Variants in MAPK14 observed in about 807,000 individuals in gnomAD.
MAPK14 encodes CSAID-binding protein.
Under a neutral mutation model 49.6 loss-of-function variants are expected in MAPK14, and 16 were observed. The ratio of observed to expected loss-of-function variants is 0.32; its 90% CI spans 0.22 to 0.49. MAPK14 has a LOEUF of 0.49. MAPK14 is among the 20% of genes least tolerant of loss of function. The probability of loss-of-function intolerance (pLI) is 0.99; values close to 1 mark genes in which losing one functional copy is unlikely to be tolerated. For missense variants in MAPK14, 200 were observed against 441.2 expected, an observed-to-expected ratio of 0.45 and a Z score of 4.90; for synonymous variants, 142 against 158.0, an observed-to-expected ratio of 0.90 and a Z score of 0.76.
At chr6:36,094,068 C>A (rs1236790665) in intron 8 of MAPK14, among the ~76,000 whole-genome samples, 5 of 152,084 alleles carry the variant, frequency 3.3e-5, no homozygotes, top group Non-Finnish European at 7.4e-5. Context: ...TCCATCCCAC[C>A]CCCATTCCTA....
chr6:36,029,410 C>G (rs1033524496), intron 1 of MAPK14, among the ~76,000 whole-genome samples: 1 of 152,192 alleles, frequency 6.6e-6, no homozygotes, highest in Non-Finnish European at 1.5e-5. Flanking sequence ...ACTAACTGCT[C>G]TCTTAACTTC....
In MAPK14 at chr6:36,102,597, T is replaced by C; in HGVS notation, c.789T>C (p.Thr263=). The change falls in exon 10 of 12, where the codon ACT becomes ACC. Residue 263 remains threonine (T), a synonymous_variant. Transcript: ENST00000229794. ...ESARNYIQSL[T]QMPKMNFANV... ...CAAGAAACTATATTCAGTCTTTGAC[T>C]CAGATGCCGAAGATGAACTTTGCGA... 1 of 1,613,892 alleles carries C rather than the reference T, an allele frequency of 6.2e-7. No homozygotes were observed. The highest frequency in any genetic ancestry group is 8.5e-7 in the Non-Finnish European group (1 of 1,179,926).
intron 8 of MAPK14, among the ~76,000 whole-genome samples, chr6:36,090,652 G>A (rs1273496352): frequency 2.6e-5 from 4 of 151,504 alleles, no homozygotes; most frequent in Non-Finnish European, 4.4e-5. Flanking sequence ...TCAGCCTCCC[G>A]AGTAGCTGGG....
At chr6:36,098,932 G>A (rs886148992) in intron 9 of MAPK14, among the ~76,000 whole-genome samples, 6 of 152,128 alleles carry the variant, frequency 3.9e-5, no homozygotes, top group Non-Finnish European at 5.9e-5. Flanking sequence ...TAAAAGGACC[G>A]CAAATCAAAG....
intron 9 of MAPK14, among the ~76,000 whole-genome samples, chr6:36,101,800 C>T (rs1562152933): frequency 6.6e-6 from 1 of 152,224 alleles, no homozygotes; most frequent in African/African-American, 2.4e-5. Flanking sequence ...GCGTGAGTCA[C>T]CGTGCCTGGG....
chr6:36,040,671 T>C (rs923587105), intron 1 of MAPK14, among the ~76,000 whole-genome samples: 1 of 148,798 alleles, frequency 6.7e-6, no homozygotes, highest in East Asian at 1.9e-4. Flanking sequence ...TCATGAATAA[T>C]TGTGTTTTGT....
At chr6:36,077,161 A>C (rs1370874953) in intron 8 of MAPK14, among the ~76,000 whole-genome samples, 1 of 152,210 alleles carries the variant, frequency 6.6e-6, no homozygotes. Flanking sequence ...CCCAGATTGC[A>C]GCCAAACCCT....
At chr6:36,075,646 C>G (rs1366972614) in intron 6 of MAPK14, among the ~76,000 whole-genome samples, 1 of 152,074 alleles carries the variant, frequency 6.6e-6, no homozygotes, top group Admixed American at 6.6e-5. Context: ...TTTTGTTTTG[C>G]TTTTTGTAAT....
chr6:36,052,174 G>A (rs1376455555), intron 1 of MAPK14, among the ~76,000 whole-genome samples: 1 of 152,134 alleles, frequency 6.6e-6, no homozygotes, highest in Admixed American at 6.5e-5. Flanking sequence ...GCAATTTATT[G>A]TCCTGAAAAC....
intron 1 of MAPK14, among the ~76,000 whole-genome samples, chr6:36,051,706 C>T (rs1420691871): frequency 3.9e-5 from 6 of 152,254 alleles, no homozygotes; most frequent in Middle Eastern, 3.4e-3. Context: ...GCTTTGTGAC[C>T]GTGGTCAAGT....
chr6:36,067,577 C>T (rs2237093), intron 3 of MAPK14, among the ~76,000 whole-genome samples: 16,462 of 152,110 alleles, frequency 0.11, 1,676 homozygotes, highest in East Asian at 0.51. Flanking sequence ...GTAATGTAGA[C>T]TGTGTGGTAA....
intron 2 of MAPK14, among the ~76,000 whole-genome samples, chr6:36,056,228 A>G (rs540476876): frequency 1.3e-5 from 2 of 152,240 alleles, no homozygotes; most frequent in Non-Finnish European, 2.9e-5. Flanking sequence ...GTAATTGTCT[A>G]TTCAACTGTG....
At chr6:36,088,632 G>A (rs191234105) in intron 8 of MAPK14, among the ~76,000 whole-genome samples, 5 of 151,522 alleles carry the variant, frequency 3.3e-5, no homozygotes, top group African/African-American at 1.2e-4. Flanking sequence ...TGGGGCAGGA[G>A]AATGACGTGA....
chr6:36,048,732 A>G (rs1296550139), intron 1 of MAPK14, among the ~76,000 whole-genome samples: 1 of 152,226 alleles, frequency 6.6e-6, no homozygotes, highest in African/African-American at 2.4e-5. Flanking sequence ...TAACAGAGCC[A>G]TGGAGAAGAA....
intron 4 of MAPK14, 174 bp downstream of exon 4, chr6:36,073,158 A>G (rs960167399): frequency 3.3e-6 from 2 of 606,892 alleles, no homozygotes; most frequent in African/African-American, 3.7e-5. Flanking sequence ...GACAACAGTT[A>G]CCGACATATG....
intron 10 of MAPK14, among the ~76,000 whole-genome samples, chr6:36,105,734 C>T (rs1425302015): frequency 6.6e-6 from 1 of 152,164 alleles, no homozygotes; most frequent in Non-Finnish European, 1.5e-5. Flanking sequence ...GGGTGTTTTA[C>T]AGCCTCCAAT....
At chr6:36,091,239 AGTTTTTTT>A (rs1014579199) in intron 8 of MAPK14, among the ~76,000 whole-genome samples, 3 of 150,726 alleles carry the variant, frequency 2.0e-5, no homozygotes, top group Non-Finnish European at 3.0e-5. Flanking sequence ...TGTTATGCTT[AGTTTTTTT>A]GTTTTTTTTT....
chr6:36,124,001 C>T, the MAPK14 span, among the ~76,000 whole-genome samples: 2 of 151,816 alleles, frequency 1.3e-5, no homozygotes, highest in Non-Finnish European at 2.9e-5. Context: ...TCCCCACCCC[C>T]GTCTTCCACC....
At chr6:36,080,868 C>T (rs765273445) in intron 8 of MAPK14, among the ~76,000 whole-genome samples, 5 of 151,040 alleles carry the variant, frequency 3.3e-5, no homozygotes, top group African/African-American at 4.9e-5. Flanking sequence ...TTTTAATAGT[C>T]ACCCAAGTAG....
Sources: allele counts gnomAD v4.1 joint callset (sites outside exome capture counted in the v4.1 genomes callset), GRCh38; gene constraint gnomAD v4.1.1; transcripts MANE v1.5; gene names NCBI Gene and HGNC (gene_info 2026-07-23, HGNC 2026-07-21).